The following GALNT7 variants were observed in gnomAD, a reference collection of about 807,000 sequenced individuals.
GALNT7 encodes polypeptide N-acetylgalactosaminyltransferase 7.
In GALNT7, 60 loss-of-function variants were observed where a neutral mutation model predicts 82.1. That is an observed-to-expected ratio of 0.73 (90% CI 0.59 to 0.91). The LOEUF (loss-of-function observed/expected upper bound fraction) is 0.91. GALNT7 is among the 40% of genes least tolerant of loss of function. The pLI is 0.00. For missense variants in GALNT7, 660 were observed against 804.2 expected (o/e 0.82, Z 2.17); for synonymous variants, 243 against 275.1 (o/e 0.88, Z 1.15).
chr4:173,234,996 A>G (rs1221887256), intron 1 of GALNT7, among the ~76,000 whole-genome samples: 1 of 152,018 alleles, frequency 6.6e-6, no homozygotes. Context: ...AGCCAAATAA[A>G]CCTCTTTTCT....
At chr4:173,198,835 T>C (rs1020023039) in intron 1 of GALNT7, among the ~76,000 whole-genome samples, 8 of 152,150 alleles carry the variant, frequency 5.3e-5, no homozygotes, top group East Asian at 1.9e-4. Flanking sequence ...GAGGGATACG[T>C]TGAATATAAT....
chr4:173,175,596 C>T (rs181354202), intron 1 of GALNT7, among the ~76,000 whole-genome samples: 1 of 152,294 alleles, frequency 6.6e-6, no homozygotes, highest in Admixed American at 6.5e-5. Context: ...TATAGATGGT[C>T]CCTGACTTAC....
At chr4:173,216,974 G>A (rs921714500) in intron 1 of GALNT7, among the ~76,000 whole-genome samples, 22 of 151,176 alleles carry the variant, frequency 1.5e-4, no homozygotes, top group Non-Finnish European at 2.7e-4. Flanking sequence ...CGGGTGATCC[G>A]CCTGCCTCGG....
chr4:173,287,866 T>G (rs1169069312), intron 2 of GALNT7, among the ~76,000 whole-genome samples: 1 of 152,198 alleles, frequency 6.6e-6, no homozygotes, highest in Non-Finnish European at 1.5e-5. Flanking sequence ...ATCTCTGGCT[T>G]CCCTTGCTAT....
At chr4:173,284,330 A>C (rs1409985583) in intron 2 of GALNT7, among the ~76,000 whole-genome samples, 1 of 152,258 alleles carries the variant, frequency 6.6e-6, no homozygotes, top group African/African-American at 2.4e-5. Context: ...TGATTGACAA[A>C]TTTGGTTATT....
At chr4:173,184,692 T>C (rs1732412394) in intron 1 of GALNT7, among the ~76,000 whole-genome samples, 1 of 151,958 alleles carries the variant, frequency 6.6e-6, no homozygotes, top group African/African-American at 2.4e-5. Flanking sequence ...TATGCAGTGA[T>C]GAAAATCAAA....
chr4:173,228,293 C>T (rs1270438185), intron 1 of GALNT7, among the ~76,000 whole-genome samples: 1 of 149,798 alleles, frequency 6.7e-6, no homozygotes, highest in African/African-American at 2.4e-5. Context: ...CTCTCTTCTT[C>T]TAGTCATTTC....
intron 1 of GALNT7, among the ~76,000 whole-genome samples, chr4:173,242,317 A>G (rs2126728474): frequency 6.6e-6 from 1 of 152,342 alleles, no homozygotes; most frequent in African/African-American, 2.4e-5. Flanking sequence ...GCTTATATAG[A>G]ATTTTTATAT....
chr4:173,188,305 C>A (rs1486915392), intron 1 of GALNT7, among the ~76,000 whole-genome samples: 1 of 152,126 alleles, frequency 6.6e-6, no homozygotes, highest in East Asian at 1.9e-4. Flanking sequence ...CAGAGCCTAC[C>A]TTTTCAGGTG....
At chr4:173,243,279 T>A (rs1315136359) in intron 1 of GALNT7, among the ~76,000 whole-genome samples, 1 of 152,210 alleles carries the variant, frequency 6.6e-6, no homozygotes, top group Non-Finnish European at 1.5e-5. Flanking sequence ...ACTTTGTAAG[T>A]TGTAAGGTGG....
intron 1 of GALNT7, among the ~76,000 whole-genome samples, chr4:173,224,741 G>T (rs372692258): frequency 6.6e-6 from 1 of 151,982 alleles, no homozygotes; most frequent in Non-Finnish European, 1.5e-5. Flanking sequence ...GGCCGGGCGC[G>T]GTGGCTCACG....
Position 173,321,984 on chromosome 4 carries a change from G to A in GALNT7, c.*267G>A. The A allele has an allele frequency of 3.5e-6, 1 of 287,038 alleles. No individual in the cohort carries two copies. Among genetic ancestry groups the A allele is most frequent in the Non-Finnish European group, 6.7e-6 (1 of 149,258 alleles). 17.8% of individuals were successfully genotyped at this position (287,038 alleles called of 1,614,324 possible). ...TTTTAAGATGATGTTGGTAATTTGT[G>A]CCTTTAGCTCTGTTTTATTAGACAG... On this transcript the variant is annotated 3_prime_UTR_variant, in exon 12 of 12. Coordinates refer to ENST00000265000, the MANE Select transcript of GALNT7 (RefSeq NM_017423.3).
chr4:173,313,639 G>T (rs1395583246), intron 8 of GALNT7, among the ~76,000 whole-genome samples: 1 of 150,876 alleles, frequency 6.6e-6, no homozygotes, highest in Non-Finnish European at 1.5e-5. Flanking sequence ...GTCCAGCCAA[G>T]CTCTCATAAA....
At chr4:173,272,646 A>G (rs1165599685) in intron 2 of GALNT7, among the ~76,000 whole-genome samples, 1 of 152,218 alleles carries the variant, frequency 6.6e-6, no homozygotes, top group Non-Finnish European at 1.5e-5. Context: ...GATTCCGGAA[A>G]TGAGGTAGAC....
At position 173,169,102 on chromosome 4, in the gene GALNT7, G is replaced by C. The variant is rs1373824914; in HGVS notation, c.126+141G>C. 4.7e-6 allele frequency: 3 copies of C among 641,724 alleles called. No individual in the cohort carries two copies. In the African/African-American group the frequency reaches 5.7e-5, roughly 12 times the overall value. The allele number at this position is 641,724 out of a possible 1,614,324, so 39.8% of individuals were successfully genotyped here. A position where few individuals can be genotyped will look rare whatever the true frequency, so the allele number is the denominator to read the frequency against. ...CGCAGGTGGTGCTGGCGCAGCGCGGGCCGAGGGGGTGCCGAGCCCCGCGCA... is the reference window on the plus strand; with the variant it reads ...CGCAGGTGGTGCTGGCGCAGCGCGGCCCGAGGGGGTGCCGAGCCCCGCGCA... On this transcript the variant is annotated intron_variant, in intron 1 of 11. Coordinates refer to ENST00000265000, the MANE Select transcript of GALNT7 (RefSeq NM_017423.3).
At chr4:173,178,052 T>TGTGTGTGCGCGCGCGCGCGC (rs563102408) in intron 1 of GALNT7, among the ~76,000 whole-genome samples, 2 of 129,520 alleles carry the variant, frequency 1.5e-5, no homozygotes, top group African/African-American at 6.1e-5. Context: ...TGTGTGTGTG[T>TGTGTGTGCGCGCGCGCGCGC]GCGCGCACGC....
chr4:173,215,431 A>C (rs1176611511), intron 1 of GALNT7, among the ~76,000 whole-genome samples: 1 of 151,900 alleles, frequency 6.6e-6, no homozygotes, highest in Non-Finnish European at 1.5e-5. Context: ...GGGGTTCACC[A>C]TGTTGCCCAG....
chr4:173,293,817 C>G (rs115326880), intron 3 of GALNT7, among the ~76,000 whole-genome samples: 2,013 of 152,256 alleles, frequency 0.013, 46 homozygotes, highest in African/African-American at 0.041. Context: ...AGGACCCAGG[C>G]GTGCAGAGCA....
At chr4:173,319,454 A>G (rs1737722760) in intron 11 of GALNT7, among the ~76,000 whole-genome samples, 1 of 152,136 alleles carries the variant, frequency 6.6e-6, no homozygotes, top group Admixed American at 6.6e-5. Flanking sequence ...TCAATTGATG[A>G]TTTTGTTTCT....
Sources: allele counts gnomAD v4.1 joint callset (sites outside exome capture counted in the v4.1 genomes callset), GRCh38; gene constraint gnomAD v4.1.1; transcripts MANE v1.5; gene names NCBI Gene and HGNC (gene_info 2026-07-23, HGNC 2026-07-21).